CNTLN: variants seen among roughly 807,000 people sequenced by gnomAD.
The protein encoded by CNTLN is centlein.
CNTLN carries 212 observed loss-of-function variants against 180.0 expected under a neutral mutation model. The ratio of observed to expected loss-of-function variants is 1.18; its 90% CI spans 1.05 to 1.32. The LOEUF (loss-of-function observed/expected upper bound fraction) is 1.32, where lower values mean the gene tolerates loss of function less well. Ranked by LOEUF, CNTLN falls within the 40% of genes most tolerant of loss-of-function variation. CNTLN has a pLI of 0.00. For missense variants in CNTLN, 2,095 were observed against 1,610.9 expected, an observed-to-expected ratio of 1.30 and a Z score of -5.14; for synonymous variants, 722 against 563.1, an observed-to-expected ratio of 1.28 and a Z score of -3.99.
intron 12 of CNTLN, among the ~76,000 whole-genome samples, chr9:17,345,277 T>C (rs1487067269): frequency 6.6e-6 from 1 of 152,192 alleles, no homozygotes; most frequent in African/African-American, 2.4e-5. Flanking sequence ...GTCTTTTGAA[T>C]GGCAAAAGTT....
At chr9:17,464,384 T>G in intron 20 of CNTLN, 113 bp from the exon 21 acceptor site, 1 of 830,726 alleles carries the variant, frequency 1.2e-6, no homozygotes. Flanking sequence ...ACAGTGTCAA[T>G]ATCACGTAGC....
intron 10 of CNTLN, among the ~76,000 whole-genome samples, chr9:17,333,800 ACTT>A (rs1262880293): frequency 1.3e-5 from 2 of 152,122 alleles, no homozygotes; most frequent in African/African-American, 2.4e-5. Context: ...TTTATAAAGA[ACTT>A]AGATAAACAC....
chr9:17,367,665 A>G (rs774087673), intron 13 of CNTLN, among the ~76,000 whole-genome samples: 48 of 152,224 alleles, frequency 3.2e-4, no homozygotes, highest in Middle Eastern at 3.4e-3. Context: ...CAGCCACAAT[A>G]GGATAGGGCG....
intron 25 of CNTLN, among the ~76,000 whole-genome samples, chr9:17,498,868 C>T (rs1433923575): frequency 6.6e-6 from 1 of 152,130 alleles, no homozygotes; most frequent in South Asian, 2.1e-4. Context: ...CAGATTGCCA[C>T]TTCTATCCAA....
At chr9:17,434,437 G>A (rs950145324) in intron 18 of CNTLN, among the ~76,000 whole-genome samples, 3 of 151,836 alleles carry the variant, frequency 2.0e-5, no homozygotes, top group Admixed American at 6.6e-5. Context: ...ATTTCATTAC[G>A]TTCTTGCTTT....
At chr9:17,324,401 T>C (rs1325069178) in intron 8 of CNTLN, among the ~76,000 whole-genome samples, 1 of 152,164 alleles carries the variant, frequency 6.6e-6, no homozygotes, top group Admixed American at 6.5e-5. Context: ...AAAAAGAAAT[T>C]TATAGAAAAA....
At chr9:17,326,238 A>G (rs1587664618) in intron 8 of CNTLN, among the ~76,000 whole-genome samples, 1 of 152,230 alleles carries the variant, frequency 6.6e-6, no homozygotes, top group East Asian at 1.9e-4. Flanking sequence ...ATTATAGTAT[A>G]GCACTATACC....
chr9:17,425,810 G>A (rs1394070043), intron 18 of CNTLN, among the ~76,000 whole-genome samples: 1 of 152,182 alleles, frequency 6.6e-6, no homozygotes, highest in Non-Finnish European at 1.5e-5. Context: ...TGTGAGTGAT[G>A]AAGTTGGTTG....
chr9:17,278,738 G>C (rs1252248144), intron 6 of CNTLN, among the ~76,000 whole-genome samples: 3 of 152,032 alleles, frequency 2.0e-5, no homozygotes, highest in Non-Finnish European at 4.4e-5. Context: ...AATACATGCA[G>C]TACAGAAAAG....
At chr9:17,509,754 A>G in the CNTLN span, among the ~76,000 whole-genome samples, 1 of 152,174 alleles carries the variant, frequency 6.6e-6, no homozygotes, top group African/African-American at 2.4e-5. Context: ...TCTCATCATT[A>G]TCCCTAGTGA....
At chr9:17,264,902 C>G (rs1192552627) in intron 5 of CNTLN, among the ~76,000 whole-genome samples, 1 of 150,656 alleles carries the variant, frequency 6.6e-6, no homozygotes, top group African/African-American at 2.5e-5. Flanking sequence ...TATCCTGAGA[C>G]TTTGCCGAAG....
intron 8 of CNTLN, among the ~76,000 whole-genome samples, chr9:17,327,482 C>G (rs1157091443): frequency 5.6e-5 from 8 of 141,648 alleles, no homozygotes; most frequent in African/African-American, 2.1e-4. Context: ...CCGCACCCAG[C>G]TGTTTCCTTT....
chr9:17,326,196 A>T (rs113497517), intron 8 of CNTLN, among the ~76,000 whole-genome samples: 472 of 152,242 alleles, frequency 3.1e-3, no homozygotes, highest in African/African-American at 0.011. Context: ...TTAGCCGTGT[A>T]GTCAGTCCAC....
chr9:17,238,763 T>C (rs1825309688), intron 5 of CNTLN, among the ~76,000 whole-genome samples: 1 of 152,196 alleles, frequency 6.6e-6, no homozygotes, highest in African/African-American at 2.4e-5. Flanking sequence ...AACTTTGCCA[T>C]GGGTAAGGAA....
At chr9:17,443,010 A>G (rs1263120093) in intron 18 of CNTLN, among the ~76,000 whole-genome samples, 1 of 151,106 alleles carries the variant, frequency 6.6e-6, no homozygotes, top group East Asian at 1.9e-4. Context: ...TGTCTACCAA[A>G]AACCTGAAAC....
At chr9:17,473,592 C>CAA (rs1208961626) in intron 23 of CNTLN, among the ~76,000 whole-genome samples, 1,532 of 132,598 alleles carry the variant, frequency 0.012, 8 homozygotes, top group Non-Finnish European at 0.018. Context: ...CACCATTTAC[C>CAA]AAAAAAAAAA....
intron 19 of CNTLN, among the ~76,000 whole-genome samples, chr9:17,460,382 A>G (rs1831382341): frequency 1.3e-5 from 2 of 151,784 alleles, no homozygotes; most frequent in South Asian, 4.1e-4. Context: ...GTTTCACATC[A>G]TACATCAAAG....
intron 18 of CNTLN, among the ~76,000 whole-genome samples, chr9:17,433,340 A>C (rs1433050016): frequency 4.0e-5 from 6 of 151,290 alleles, no homozygotes; most frequent in Non-Finnish European, 1.5e-5. Context: ...GCTGGAGTGC[A>C]ATGGCGCAAT....
chr9:17,304,786 A>G (rs910294183), intron 7 of CNTLN, among the ~76,000 whole-genome samples: 14 of 152,196 alleles, frequency 9.2e-5, no homozygotes, highest in African/African-American at 2.9e-4. Context: ...CATTGTAAAC[A>G]CTGGGTAGAT....
Sources: gnomAD v4.1 joint callset for allele counts (sites outside exome capture counted in the v4.1 genomes callset) on GRCh38, gnomAD v4.1.1 for gene constraint, MANE v1.5 for transcripts, NCBI Gene and HGNC (gene_info 2026-07-23, HGNC 2026-07-21) for gene names.